ZFHX3: variants seen among roughly 807,000 people sequenced by gnomAD.
ZFHX3 encodes zinc finger homeobox 3.
In ZFHX3, 42 loss-of-function variants were observed where a neutral mutation model predicts 279.1. The observed-to-expected ratio is 0.15, with a 90% CI of 0.12 to 0.19. The LOEUF (loss-of-function observed/expected upper bound fraction) is 0.19. ZFHX3 is among the 10% of genes least tolerant of loss of function. ZFHX3 has a pLI of 1.00. For synonymous variants in ZFHX3, 2,293 were observed against 1,957.8 expected, an observed-to-expected ratio of 1.17 and a Z score of -4.52; for missense variants, 4,981 against 4,754.0, an observed-to-expected ratio of 1.05 and a Z score of -1.40.
chr16:73,704,106 C>A (rs151311176), intron 1 of ZFHX3, among the ~76,000 whole-genome samples: 19 of 152,116 alleles, frequency 1.2e-4, no homozygotes, highest in Non-Finnish European at 2.4e-4. Flanking sequence ...AGATTGGGCA[C>A]GTTCAGGGTG....
At position 72,798,404 on chromosome 16, in the gene ZFHX3, T is replaced by C. The variant is rs1274133713; in HGVS notation, c.4278A>G (p.Arg1426=). ...LQLHSQYHVI[R]AATMCCLCQR... is the part of the protein sequence containing the mutation. ...GACAAAGACAGCACATGGTGGCAGC[T>C]CTGATCACATGGTACTGAGAATGGA... Residue 1426 remains arginine (R), a synonymous_variant, in exon 9 of 10, where the codon AGA becomes AGG. Coordinates refer to ENST00000268489, the MANE Select transcript of ZFHX3 (RefSeq NM_006885.4). The C allele has an allele frequency of 9.9e-6, 16 of 1,614,208 alleles. No individual in the cohort carries two copies. Among genetic ancestry groups the C allele is most frequent in the Middle Eastern group, 1.6e-4 (1 of 6,062 alleles).
intron 3 of ZFHX3, among the ~76,000 whole-genome samples, chr16:73,408,349 C>T (rs1476585506): frequency 6.6e-6 from 1 of 152,124 alleles, no homozygotes; most frequent in Non-Finnish European, 1.5e-5. Context: ...GCCAGAGTCC[C>T]TGACAAGGTC....
At position 73,666,685 on chromosome 16, in the gene ZFHX3, T is replaced by G. The variant is rs111663617; in HGVS notation, c.-1547+13495A>C. On this transcript the variant is annotated intron_variant, in intron 2 of 17. Coordinates refer to the ZFHX3 transcript ENST00000641206. ...GTACGGGTGTATGAATTTTGTCAAA[T>G]GCACAGTCATGCCACCACCACTACA... is the stretch of plus-strand genomic sequence containing the variant. Among the ~76,000 whole-genome samples the G allele has an allele frequency of 9.9e-5, 15 of 152,040 alleles. 1 individual carries two copies. The highest frequency in any genetic ancestry group is 3.6e-4 in the African/African-American group (15 of 41,314).
intron 3 of ZFHX3, among the ~76,000 whole-genome samples, chr16:72,949,769 A>C (rs1309587331): frequency 6.6e-6 from 1 of 151,102 alleles, no homozygotes; most frequent in Non-Finnish European, 1.5e-5. Flanking sequence ...AGAAAAAAAA[A>C]ACACACAAAG....
intron 1 of ZFHX3, among the ~76,000 whole-genome samples, chr16:73,680,397 C>G (rs2052997904): frequency 6.6e-6 from 1 of 152,158 alleles, no homozygotes; most frequent in Admixed American, 6.5e-5. Flanking sequence ...CCATGGAGGT[C>G]ACGGCTCGAA....
At chr16:73,664,067 C>T (rs577081651) in intron 2 of ZFHX3, among the ~76,000 whole-genome samples, 1 of 152,234 alleles carries the variant, frequency 6.6e-6, no homozygotes, top group South Asian at 2.1e-4. Flanking sequence ...AATAATTTTA[C>T]TCTGGGAAGG....
chr16:73,244,774 C>A (rs1031595925), intron 5 of ZFHX3, among the ~76,000 whole-genome samples: 1 of 152,142 alleles, frequency 6.6e-6, no homozygotes, highest in Admixed American at 6.5e-5. Context: ...CGGACAGCAA[C>A]CAGGAGATCT....
In ZFHX3 at chr16:73,440,327, G is replaced by C. The variant is rs16971964; in HGVS notation, c.-1291+15676C>G. ...TCCAGACAAACGAGTGTGTCCAAGAGGCATTTGAGTCCATGGGTGAACTCC... is the reference window on the plus strand; with the variant it reads ...TCCAGACAAACGAGTGTGTCCAAGACGCATTTGAGTCCATGGGTGAACTCC... On this transcript the variant is annotated intron_variant, in intron 3 of 17. Transcript: ENST00000641206. 2.6e-3 allele frequency among the ~76,000 whole-genome samples: 399 copies of C among 152,284 alleles called. 1 individual carries two copies. The highest frequency in any genetic ancestry group is 8.5e-3 in the African/African-American group (355 of 41,548).
intron 1 of ZFHX3, among the ~76,000 whole-genome samples, chr16:72,974,317 C>G (rs1192280178): frequency 6.6e-6 from 1 of 152,200 alleles, no homozygotes; most frequent in East Asian, 1.9e-4. Context: ...GCAATGATTC[C>G]GCCAAATGGC....
At chr16:73,859,629 G>A (rs138677113) in intron 1 of ZFHX3, among the ~76,000 whole-genome samples, 1 of 152,092 alleles carries the variant, frequency 6.6e-6, no homozygotes, top group Non-Finnish European at 1.5e-5. Flanking sequence ...ATAATACCTG[G>A]GAATTAAAGA....
chr16:73,830,792 A>G lies in ZFHX3; in HGVS notation c.-1608+60859T>C, dbSNP rs562636812. ...TGTCTTATTGCATTCCAAATCCTGG[A>G]TGCCAAATTTCTTTTAAATATTGCC... On this transcript the variant is annotated intron_variant, in intron 1 of 17. Coordinates refer to the ZFHX3 transcript ENST00000641206. Among the ~76,000 whole-genome samples, 194 of 152,338 alleles carry G rather than the reference A, an allele frequency of 1.3e-3. 1 individual carries two copies. Among genetic ancestry groups the G allele is most frequent in the Non-Finnish European group, 3.8e-4 (26 of 68,038 alleles).
rs866910276 is a variant in ZFHX3, at chr16:73,579,723, C to T, written c.-1547+100457G>A. 7.3e-5 allele frequency among the ~76,000 whole-genome samples: 11 copies of T among 149,908 alleles called. No individual in the cohort carries two copies. In the South Asian group the frequency reaches 1.7e-3, roughly 23 times the overall value. On this transcript the variant is annotated intron_variant, in intron 2 of 17. Transcript: ENST00000641206. ...TTCACCACGTTAGCCAGGATGGTCT[C>T]GATCTCCTGACCTCGTGATCCACCC...
intron 7 of ZFHX3, chr16:73,130,907 CCAGA>C: frequency 7.9e-7 from 1 of 1,271,162 alleles, no homozygotes; most frequent in Non-Finnish European, 1.0e-6. Context: ...CACGCTGGGC[CCAGA>C]CAGTCTTATT....
intron 5 of ZFHX3, among the ~76,000 whole-genome samples, chr16:73,243,831 T>C (rs2013199796): frequency 6.6e-6 from 1 of 152,182 alleles, no homozygotes; most frequent in African/African-American, 2.4e-5. Context: ...ATCTAATTAT[T>C]CAGCAACCAT....
At chr16:73,464,945 G>C (rs2018538054) in intron 2 of ZFHX3, among the ~76,000 whole-genome samples, 1 of 152,064 alleles carries the variant, frequency 6.6e-6, no homozygotes, top group South Asian at 2.1e-4. Context: ...ACATCACAGG[G>C]GCCCACCAAG....
chr16:73,694,783 T>C (rs1328859530), intron 1 of ZFHX3, among the ~76,000 whole-genome samples: 3 of 152,264 alleles, frequency 2.0e-5, no homozygotes, highest in Non-Finnish European at 4.4e-5. Context: ...ATGGGCCTGC[T>C]CTTCACCGCA....
At chr16:73,211,990 G>A (rs559298885) in intron 5 of ZFHX3, among the ~76,000 whole-genome samples, 18 of 152,198 alleles carry the variant, frequency 1.2e-4, no homozygotes, top group East Asian at 9.7e-4. Context: ...GACAACGAGA[G>A]GTTGAAAGTC....
At chr16:73,472,689 C>G (rs2018690205) in intron 2 of ZFHX3, among the ~76,000 whole-genome samples, 2 of 152,168 alleles carry the variant, frequency 1.3e-5, no homozygotes, top group Non-Finnish European at 2.9e-5. Context: ...TGGGTTTGGC[C>G]AATGGGAAGG....
chr16:72,988,687 C>T (rs1334861364), intron 1 of ZFHX3, among the ~76,000 whole-genome samples: 1 of 152,204 alleles, frequency 6.6e-6, no homozygotes, highest in Non-Finnish European at 1.5e-5. Context: ...CATTAAGAGC[C>T]ATGATTCCCC....
Sources: allele counts gnomAD v4.1 joint callset (sites outside exome capture counted in the v4.1 genomes callset), GRCh38; gene constraint gnomAD v4.1.1; transcripts MANE v1.5; gene names NCBI Gene and HGNC (gene_info 2026-07-23, HGNC 2026-07-21).